MBD1: variants seen among roughly 807,000 people sequenced by gnomAD.
The protein encoded by MBD1 is methyl-CpG-binding domain protein 1.
In MBD1, 25 loss-of-function variants were observed where a neutral mutation model predicts 82.6. The ratio of observed to expected loss-of-function variants is 0.30; its 90% CI spans 0.22 to 0.42. MBD1 has a LOEUF of 0.42. Ranked by LOEUF, MBD1 falls within the 10% of genes least tolerant of loss-of-function variation. The probability of loss-of-function intolerance (pLI) is 1.00; values close to 1 mark genes in which losing one functional copy is unlikely to be tolerated. For missense variants in MBD1, 627 were observed against 819.6 expected, an observed-to-expected ratio of 0.76 and a Z score of 2.87; for synonymous variants, 301 against 303.7, an observed-to-expected ratio of 0.99 and a Z score of 0.09.
chr18:50,276,270 A>C (rs1204041641), intron 6 of MBD1, 108 bp downstream of exon 6: 4 of 1,195,318 alleles, frequency 3.3e-6, no homozygotes, highest in South Asian at 2.6e-5. Context: ...GCACCCTATA[A>C]AATGACTCTT....
At chr18:50,281,721 G>C (rs1377895509), upstream of MBD1, 4 of 386,532 alleles carry the variant, frequency 1.0e-5, no homozygotes, top group African/African-American at 2.1e-5. Context: ...ACCCCTTCGA[G>C]GGACTGGCAG....
chr18:50,279,497 T>C (rs971852244), intron 2 of MBD1, among the ~76,000 whole-genome samples: 2 of 152,192 alleles, frequency 1.3e-5, no homozygotes, highest in Non-Finnish European at 2.9e-5. Flanking sequence ...AGCACTATGC[T>C]TGGGGACCAT....
At chr18:50,271,426 T>C (rs930655711) in intron 16 of MBD1, 43 bp downstream of exon 16, 4 of 1,613,834 alleles carry the variant, frequency 2.5e-6, no homozygotes, top group South Asian at 1.1e-5. Context: ...CAGCCCCTAG[T>C]AGATCAGTGT....
intron 2 of MBD1, among the ~76,000 whole-genome samples, chr18:50,278,850 AT>A (rs1004512202): frequency 1.3e-5 from 2 of 151,512 alleles, no homozygotes; most frequent in South Asian, 4.2e-4. Context: ...CTTAATACAT[AT>A]TTTTTTTTAC....
chr18:50,274,427 G>T, intron 10 of MBD1, 74 bp from the exon 11 acceptor site: 1 of 1,499,728 alleles, frequency 6.7e-7, no homozygotes, highest in East Asian at 2.3e-5. Context: ...TTCCAGTGCT[G>T]GTCCTGGTGC....
chr18:50,269,427 G>T lies in MBD1; in HGVS notation c.*424C>A. 2.3e-6 allele frequency: 2 copies of T among 869,760 alleles called. No homozygotes were observed. Among genetic ancestry groups the T allele is most frequent in the Non-Finnish European group, 3.5e-6 (2 of 575,480 alleles). 53.9% of individuals were successfully genotyped at this position (869,760 alleles called of 1,614,324 possible). On this transcript the variant is annotated 3_prime_UTR_variant, in exon 17 of 17. Coordinates refer to ENST00000269468, the MANE Select transcript of MBD1 (RefSeq NM_015846.4). ...TTTGCTTGATAACCGGAGGGCGGAA[G>T]TGAAGCAGCAGCACATTGTTTTTAC...
At position 50,273,816 on chromosome 18, in the gene MBD1, T is replaced by C; in HGVS notation, c.1194A>G (p.Gly398=). The C allele has an allele frequency of 1.2e-6, 2 of 1,613,582 alleles. No individual in the cohort carries two copies. The highest frequency in any genetic ancestry group is 1.7e-6 in the Non-Finnish European group (2 of 1,180,004). ...SVWSESEDGA[G]SPPPYRRRKR... is the part of the protein sequence containing the mutation. ...TTCGACGACGGTAAGGTGGGGGCGA[T>C]CCTGCCCCATCCTCAGACTCTGACC... Residue 398 remains glycine, a synonymous_variant, in exon 12 of 17, where the codon GGA becomes GGG. Transcript: ENST00000269468.
chr18:50,280,845 G>A (rs890383650), intron 1 of MBD1, among the ~76,000 whole-genome samples: 3 of 151,880 alleles, frequency 2.0e-5, no homozygotes, highest in Non-Finnish European at 4.4e-5. Context: ...ATCATCCAGA[G>A]AGACCCTAAT....
At chr18:50,281,026 T>C in intron 1 of MBD1, 1 of 763,486 alleles carries the variant, frequency 1.3e-6, no homozygotes, top group Non-Finnish European at 2.1e-6. Flanking sequence ...GTCATCAGCC[T>C]GAGGGCCCCT....
chr18:50,271,498 A>G lies in MBD1; in HGVS notation c.*3T>C, dbSNP rs2035511769. ...AATCCTACAGTCTGTAGAAGCCTCC[A>G]GTCTACTGCTTTCTAGCTCCAGGTT... On this transcript the variant is annotated 3_prime_UTR_variant, in exon 16 of 17. Coordinates refer to ENST00000269468, the MANE Select transcript of MBD1 (RefSeq NM_015846.4). 1 of 1,614,176 alleles carries G rather than the reference A, an allele frequency of 6.2e-7. No individual in the cohort carries two copies. Among genetic ancestry groups the G allele is most frequent in the Non-Finnish European group, 8.5e-7 (1 of 1,180,018 alleles).
chr18:50,277,106 C>T lies in MBD1; in HGVS notation c.209G>A (p.Cys70Tyr). Reference sequence around the variant, plus strand: ...GTGAAGTACCTTGGGGGCTGGATAGCACAAGATGCCTTGTTTGAAGTCGAA... The same window carrying T: ...GTGAAGTACCTTGGGGGCTGGATAGTACAAGATGCCTTGTTTGAAGTCGAA... Reference protein sequence around the residue: ...TLFDFKQGILCYPAPKAHPVA... With the variant: ...TLFDFKQGILYYPAPKAHPVA... The change falls in exon 3 of 17, where the codon TGC becomes TAC. Residue 70 changes from cysteine to tyrosine, a missense_variant. Coordinates refer to ENST00000269468, the MANE Select transcript of MBD1 (RefSeq NM_015846.4). 6.2e-7 allele frequency: 1 copy of T among 1,614,216 alleles called. No homozygotes were observed. The highest frequency in any genetic ancestry group is 8.5e-7 in the Non-Finnish European group (1 of 1,180,046).
intron 16 of MBD1, chr18:50,270,066 T>C: frequency 6.3e-7 from 1 of 1,597,564 alleles, no homozygotes; most frequent in Non-Finnish European, 8.5e-7. Context: ...ACCAGAATAC[T>C]GGGGTTGGGT....
chr18:50,278,217 A>T (rs1024516052), intron 2 of MBD1, among the ~76,000 whole-genome samples: 2 of 152,216 alleles, frequency 1.3e-5, no homozygotes, highest in African/African-American at 2.4e-5. Context: ...CGCTACTCAA[A>T]ACGGCACACA....
chr18:50,268,052 T>C (rs1285394014), downstream of MBD1, among the ~76,000 whole-genome samples: 1 of 152,264 alleles, frequency 6.6e-6, no homozygotes, highest in Non-Finnish European at 1.5e-5. Context: ...TTACGTGGCC[T>C]GAAACAGAAA....
At chr18:50,270,824 T>A (rs2035202907) in intron 16 of MBD1, 1 of 174,598 alleles carries the variant, frequency 5.7e-6, no homozygotes, top group Non-Finnish European at 1.2e-5. Context: ...AAACTCCTGT[T>A]AGTGCATACA....
At chr18:50,281,649 G>A (rs1019501442), upstream of MBD1, 12 of 439,864 alleles carry the variant, frequency 2.7e-5, no homozygotes, top group African/African-American at 2.2e-4. Flanking sequence ...GCTCCGCAGC[G>A]GTGCGCGCGC....
intron 2 of MBD1, among the ~76,000 whole-genome samples, 180 bp from the exon 3 acceptor site, chr18:50,277,384 T>C (rs759326962): frequency 2.6e-5 from 4 of 152,008 alleles, no homozygotes; most frequent in Non-Finnish European, 5.9e-5. Flanking sequence ...TACCAACACA[T>C]ATAGAAACAT....
In MBD1 at chr18:50,275,971, C is replaced by T; in HGVS notation, c.527G>A (p.Cys176Tyr). 6.2e-7 allele frequency: 1 copy of T among 1,612,804 alleles called. No homozygotes were observed. Among genetic ancestry groups the T allele is most frequent in the Non-Finnish European group, 8.5e-7 (1 of 1,180,018 alleles). ...REQRMFKRVG[C>Y]GECAACQVTE... ...TACCTGGCAGGCTGCACACTCCCCA[C>T]AGCCCACACGCTGCCAGGAATGGTA... Residue 176 changes from cysteine (C) to tyrosine (Y), a missense_variant, in exon 7 of 17, where the codon TGT becomes TAT. Physicochemically the swap from Cys to Tyr is radical, Grantham distance 194. Transcript: ENST00000269468.
rs370082070 is a variant in MBD1, at chr18:50,271,589, C to T, written c.1779-49G>A. 196 of 1,601,336 alleles carry T rather than the reference C, an allele frequency of 1.2e-4. 1 individual carries two copies. The highest frequency in any genetic ancestry group is 4.5e-4 in the South Asian group (41 of 90,846). Reference sequence around the variant, plus strand: ...TATGTTGAATGAGGTTTGCTATGTGCGCAATGGAGCATTACAAAACCATTT... The same window carrying T: ...TATGTTGAATGAGGTTTGCTATGTGTGCAATGGAGCATTACAAAACCATTT... On this transcript the variant is annotated intron_variant, in intron 15 of 16. Transcript: ENST00000269468.
Sources: gnomAD v4.1 joint callset for allele counts (sites outside exome capture counted in the v4.1 genomes callset) on GRCh38, gnomAD v4.1.1 for gene constraint, MANE v1.5 for transcripts, NCBI Gene and HGNC (gene_info 2026-07-23, HGNC 2026-07-21) for gene names.